The following CSMD1 variants were observed in gnomAD, a reference collection of about 807,000 sequenced individuals.
CSMD1 encodes the protein CUB and sushi domain-containing protein 1.
Under a neutral mutation model 417.5 loss-of-function variants are expected in CSMD1, and 213 were observed. The observed-to-expected ratio is 0.51, with a 90% CI of 0.46 to 0.57. The LOEUF (loss-of-function observed/expected upper bound fraction) is 0.57. Among genes scored for constraint, CSMD1 ranks in the 20% least tolerant of loss-of-function variants. The pLI is 0.00. For missense variants in CSMD1, 6,923 were observed against 4,529.7 expected (o/e 1.53, Z -15.17); for synonymous variants, 2,862 against 1,736.8 (o/e 1.65, Z -16.11).
chr8:4,562,523 A>G (rs1386705668), intron 2 of CSMD1, among the ~76,000 whole-genome samples: 1 of 152,252 alleles, frequency 6.6e-6, no homozygotes, highest in Non-Finnish European at 1.5e-5. Flanking sequence ...GTAAGAAAAG[A>G]TAACTTTAGT....
chr8:4,874,800 GTA>G (rs561104297), intron 1 of CSMD1, among the ~76,000 whole-genome samples: 8 of 149,028 alleles, frequency 5.4e-5, no homozygotes, highest in Non-Finnish European at 7.4e-5. Flanking sequence ...TTTTGTGTGT[GTA>G]TATATATATA....
At chr8:3,968,847 T>G (rs1417760283) in intron 5 of CSMD1, among the ~76,000 whole-genome samples, 1 of 152,202 alleles carries the variant, frequency 6.6e-6, no homozygotes, top group African/African-American at 2.4e-5. Context: ...GGCTGCTGGT[T>G]ATATTCGATC....
intron 26 of CSMD1, among the ~76,000 whole-genome samples, chr8:3,250,649 C>G (rs1414023849): frequency 2.0e-5 from 3 of 152,200 alleles, no homozygotes; most frequent in Non-Finnish European, 4.4e-5. Flanking sequence ...CTTCCACAAT[C>G]ATTGAACTAG....
At chr8:3,357,647 C>T (rs1010946951) in intron 21 of CSMD1, among the ~76,000 whole-genome samples, 3 of 152,148 alleles carry the variant, frequency 2.0e-5, no homozygotes, top group African/African-American at 7.2e-5. Flanking sequence ...TGTTACATAT[C>T]TAGATGTCAC....
intron 4 of CSMD1, among the ~76,000 whole-genome samples, chr8:4,014,389 A>C (rs112749494): frequency 0.017 from 2,578 of 152,300 alleles, 83 homozygotes; most frequent in African/African-American, 0.059. Context: ...ATGCACATAG[A>C]AGTGTGTATG....
chr8:3,610,628 T>C lies in CSMD1; in HGVS notation c.1097+6082A>G, dbSNP rs576097389. 2.6e-5 allele frequency among the ~76,000 whole-genome samples: 4 copies of C among 152,330 alleles called. No homozygotes were observed. In the South Asian group the frequency reaches 8.3e-4, roughly 32 times the overall value. On this transcript the variant is annotated intron_variant, in intron 8 of 69. Coordinates refer to ENST00000635120, the MANE Select transcript of CSMD1 (RefSeq NM_033225.6). ...CACAATCCTAAGCTACCAGTATAGA[T>C]GACATTCACTTCAATTCAACTCAAT...
At chr8:3,584,096 A>C (rs1800497704) in intron 9 of CSMD1, among the ~76,000 whole-genome samples, 1 of 152,214 alleles carries the variant, frequency 6.6e-6, no homozygotes, top group African/African-American at 2.4e-5. Context: ...TATTACTTCA[A>C]ATACATTTTT....
In CSMD1 at chr8:3,074,536, C is replaced by T. The variant is rs577955517; in HGVS notation, c.7474+12561G>A. Reference sequence around the variant, plus strand: ...AGTGGAGCAGCCTATTTGGATTACCCGAAGATCAGTTTGACAAGATAACCC... The same window carrying T: ...AGTGGAGCAGCCTATTTGGATTACCTGAAGATCAGTTTGACAAGATAACCC... On this transcript the variant is annotated intron_variant, in intron 49 of 69. Coordinates refer to ENST00000635120, the MANE Select transcript of CSMD1 (RefSeq NM_033225.6). Among the ~76,000 whole-genome samples the T allele has an allele frequency of 3.3e-5, 5 of 152,270 alleles. No individual in the cohort carries two copies. In the East Asian group the frequency reaches 5.8e-4, roughly 18 times the overall value.
At chr8:3,909,628 T>G (rs546108674) in intron 5 of CSMD1, among the ~76,000 whole-genome samples, 2 of 152,078 alleles carry the variant, frequency 1.3e-5, no homozygotes. Context: ...AGGAGCTTGT[T>G]TGTGCTGCAG....
intron 3 of CSMD1, among the ~76,000 whole-genome samples, chr8:4,299,001 G>A (rs1797836336): frequency 6.6e-6 from 1 of 151,958 alleles, no homozygotes; most frequent in South Asian, 2.1e-4. Context: ...ATCTACTGAT[G>A]TTAAATTTGC....
At chr8:3,131,440 G>T (rs1817787483) in intron 41 of CSMD1, among the ~76,000 whole-genome samples, 1 of 150,818 alleles carries the variant, frequency 6.6e-6, no homozygotes, top group East Asian at 1.9e-4. Context: ...TCTATGATTT[G>T]GTGACAAAGT....
At chr8:4,146,306 G>C (rs1451751119) in intron 3 of CSMD1, among the ~76,000 whole-genome samples, 3 of 150,940 alleles carry the variant, frequency 2.0e-5, no homozygotes, top group Admixed American at 2.0e-4. Flanking sequence ...CATAGCCTCT[G>C]CTTGGTGTCT....
intron 6 of CSMD1, among the ~76,000 whole-genome samples, chr8:3,714,065 C>A (rs1490156801): frequency 2.4e-5 from 2 of 84,040 alleles, no homozygotes; most frequent in East Asian, 6.1e-4. Flanking sequence ...GATAGATGTC[C>A]ACATACACAC....
At chr8:2,971,820 C>T (rs1157907251) in intron 57 of CSMD1, among the ~76,000 whole-genome samples, 4 of 152,074 alleles carry the variant, frequency 2.6e-5, no homozygotes, top group Admixed American at 2.0e-4. Flanking sequence ...TATGGGTAAC[C>T]ATTTCTCACT....
At chr8:3,174,857 G>C (rs925176129) in intron 37 of CSMD1, among the ~76,000 whole-genome samples, 4 of 151,954 alleles carry the variant, frequency 2.6e-5, no homozygotes, top group Non-Finnish European at 4.4e-5. Context: ...CACTTAAAGA[G>C]AAGGCAGTTT....
At chr8:3,524,046 G>C (rs111204999) in intron 10 of CSMD1, among the ~76,000 whole-genome samples, 3,492 of 123,670 alleles carry the variant, frequency 0.028, 125 homozygotes, top group African/African-American at 0.099. Context: ...CACACCCAGA[G>C]ACACGTGCAC....
chr8:4,662,917 A>C (rs1181639263), intron 1 of CSMD1, among the ~76,000 whole-genome samples: 1 of 152,210 alleles, frequency 6.6e-6, no homozygotes, highest in African/African-American at 2.4e-5. Flanking sequence ...AAAAGAGAGA[A>C]AGAAAAAGGA....
At chr8:4,149,740 T>C (rs773050105) in intron 3 of CSMD1, among the ~76,000 whole-genome samples, 1 of 152,168 alleles carries the variant, frequency 6.6e-6, no homozygotes, top group Non-Finnish European at 1.5e-5. Flanking sequence ...TAACCTCAAC[T>C]CCAAGCATCC....
chr8:4,982,453 T>C (rs1048434486), intron 1 of CSMD1, among the ~76,000 whole-genome samples: 11 of 152,142 alleles, frequency 7.2e-5, no homozygotes, highest in Non-Finnish European at 1.5e-4. Context: ...TTTCTGTCTC[T>C]CTCCCTCATT....
Sources: allele counts gnomAD v4.1 joint callset (sites outside exome capture counted in the v4.1 genomes callset), GRCh38; gene constraint gnomAD v4.1.1; transcripts MANE v1.5; gene names NCBI Gene and HGNC (gene_info 2026-07-23, HGNC 2026-07-21).